KCNJ10: variants seen among roughly 807,000 people sequenced by gnomAD.
KCNJ10 encodes the protein potassium inwardly rectifying channel subfamily J member 10.
A neutral mutation model predicts 22.2 loss-of-function variants in KCNJ10; 9 were observed. That is an observed-to-expected ratio of 0.40 (90% CI 0.24 to 0.71). The LOEUF is 0.71. KCNJ10 is among the 30% of genes least tolerant of loss of function. KCNJ10 has a pLI of 0.35. For synonymous variants in KCNJ10, 184 were observed against 187.3 expected, an observed-to-expected ratio of 0.98 and a Z score of 0.15; for missense variants, 337 against 482.7, an observed-to-expected ratio of 0.70 and a Z score of 2.83.
At chr1:160,066,489 A>G (rs2101937013) in intron 1 of KCNJ10, among the ~76,000 whole-genome samples, 1 of 152,300 alleles carries the variant, frequency 6.6e-6, no homozygotes, top group Admixed American at 6.5e-5. Context: ...TGGTGGGAGA[A>G]AAGCAATGGC....
chr1:160,045,990 G>A (rs1160811773), intron 1 of KCNJ10, among the ~76,000 whole-genome samples: 1 of 152,178 alleles, frequency 6.6e-6, no homozygotes, highest in Non-Finnish European at 1.5e-5. Flanking sequence ...GAGATCCTAT[G>A]GCGGAGATAA....
At chr1:160,053,255 T>C (rs187889779) in intron 1 of KCNJ10, among the ~76,000 whole-genome samples, 2 of 152,284 alleles carry the variant, frequency 1.3e-5, no homozygotes, top group East Asian at 3.9e-4. Flanking sequence ...TCACCAACCA[T>C]ATTATCTGTT....
rs1181172563 is a variant in KCNJ10 at position 160,040,764 on chromosome 1, G to T, written c.*629C>A. The stretch of plus-strand genomic sequence containing the variant: ...TATGAGGGAACTGGGTATCCTGAGA[G>T]TGTTCACTTGAGAAACTACAGAGGG... On this transcript the variant is annotated 3_prime_UTR_variant, in exon 2 of 2. Coordinates refer to ENST00000644903, the MANE Select transcript of KCNJ10 (RefSeq NM_002241.5). The T allele has an allele frequency of 7.5e-6, 3 of 399,114 alleles. No individual in the cohort carries two copies. In the East Asian group the frequency reaches 1.1e-4, roughly 14 times the overall value. 24.7% of individuals were successfully genotyped at this position (399,114 alleles called of 1,614,324 possible).
chr1:160,044,507 G>C (rs547059880), intron 1 of KCNJ10, among the ~76,000 whole-genome samples: 1 of 152,274 alleles, frequency 6.6e-6, no homozygotes, highest in East Asian at 1.9e-4. Context: ...AATGAGAACA[G>C]AAGAAGTGCT....
intron 1 of KCNJ10, among the ~76,000 whole-genome samples, chr1:160,055,902 T>G (rs1437744507): frequency 1.3e-5 from 2 of 152,192 alleles, no homozygotes; most frequent in Non-Finnish European, 2.9e-5. Context: ...ACCTCTGCCC[T>G]GGGTGTCCAA....
At chr1:160,062,721 C>T (rs1276099347) in intron 1 of KCNJ10, 1 of 152,164 alleles carries the variant, frequency 6.6e-6, no homozygotes, top group Non-Finnish European at 1.5e-5. Context: ...TCTAAGTCCT[C>T]CCACGTTTTG....
In KCNJ10 at chr1:160,040,525, G is replaced by T; in HGVS notation, c.*868C>A. 1 of 398,682 alleles carries T rather than the reference G, an allele frequency of 2.5e-6. No homozygotes were observed. Among genetic ancestry groups the T allele is most frequent in the African/African-American group, 2.1e-5 (1 of 48,750 alleles). The allele number at this position is 398,682 out of a possible 1,614,324, so 24.7% of individuals were successfully genotyped here. A position where few individuals can be genotyped will look rare whatever the true frequency, so the allele number is the denominator to read the frequency against. On this transcript the variant is annotated 3_prime_UTR_variant, in exon 2 of 2. Transcript: ENST00000644903. ...ACCTTTCCATGGGGCCTGGGTACTG[G>T]ACTCTTTTCAAAGGAACATATTGGC...
intron 1 of KCNJ10, among the ~76,000 whole-genome samples, chr1:160,058,898 C>T (rs991183956): frequency 6.6e-6 from 1 of 152,228 alleles, no homozygotes; most frequent in African/African-American, 2.4e-5. Flanking sequence ...AATTTCTACT[C>T]CTCCTTCAGG....
chr1:160,051,144 G>A (rs1048164429), intron 1 of KCNJ10, among the ~76,000 whole-genome samples: 2 of 150,632 alleles, frequency 1.3e-5, no homozygotes, highest in Non-Finnish European at 1.5e-5. Context: ...GGATGGTCTC[G>A]ATTTCTTTAC....
At chr1:160,042,886 G>A (rs1026300083) in intron 1 of KCNJ10, among the ~76,000 whole-genome samples, 18 of 147,454 alleles carry the variant, frequency 1.2e-4, no homozygotes, top group Admixed American at 2.7e-4. Context: ...GCAGTGAGCC[G>A]ACATCGCGCC....
intron 1 of KCNJ10, among the ~76,000 whole-genome samples, chr1:160,042,914 G>A (rs1648646366): frequency 6.8e-6 from 1 of 146,046 alleles, no homozygotes; most frequent in African/African-American, 2.5e-5. Flanking sequence ...TCCAGCCTGG[G>A]TGACACAGCG....
At chr1:160,047,969 G>A (rs900967901) in intron 1 of KCNJ10, among the ~76,000 whole-genome samples, 13 of 152,308 alleles carry the variant, frequency 8.5e-5, no homozygotes, top group South Asian at 2.1e-4. Context: ...TCAAACTCCC[G>A]GACTTAAGTG....
At position 160,042,021 on chromosome 1, in the gene KCNJ10, C is replaced by T. The variant is rs200320916; in HGVS notation, c.512G>A (p.Arg171Gln). The change falls in exon 2 of 2, where the codon CGG becomes CAG. Residue 171 changes from arginine (R) to glutamine (Q), a missense_variant. This residue lies in a region of KCNJ10 where 165 missense variants were observed against 281.5 expected (regional missense o/e 0.59). Transcript: ENST00000644903. ...ITGTFLAKIA[R>Q]PKKRAETIRF... ...AATGGTCTCAGCCCGCTTCTTGGGCCGGGCAATCTTCGCCAGGAAGGTACC... is the reference window on the plus strand; with the variant it reads ...AATGGTCTCAGCCCGCTTCTTGGGCTGGGCAATCTTCGCCAGGAAGGTACC... 1.9e-5 allele frequency: 29 copies of T among 1,563,594 alleles called. No homozygotes were observed. Among genetic ancestry groups the T allele is most frequent in the Admixed American group, 1.3e-4 (7 of 55,544 alleles).
chr1:160,059,978 G>C, intron 1 of KCNJ10, among the ~76,000 whole-genome samples: 1 of 152,276 alleles, frequency 6.6e-6, no homozygotes, highest in Middle Eastern at 3.4e-3. Context: ...GAGGTACTCT[G>C]TACCTGTCAT....
chr1:160,041,134 C>T lies in KCNJ10; in HGVS notation c.*259G>A, dbSNP rs927609860. On this transcript the variant is annotated 3_prime_UTR_variant, in exon 2 of 2. Transcript: ENST00000644903. This position sits in a 1 kb window ranked among gnomAD's most constrained non-coding sequence, Gnocchi z 4.4. ...GCTGAGGCCTTCTAAGCCACTTCAGCCTAATCCCACTCTTTCCCCCATCCT... is the reference window on the plus strand; with the variant it reads ...GCTGAGGCCTTCTAAGCCACTTCAGTCTAATCCCACTCTTTCCCCCATCCT... 7.4e-6 allele frequency: 4 copies of T among 544,038 alleles called. No homozygotes were observed. The highest frequency in any genetic ancestry group is 1.3e-5 in the Non-Finnish European group (4 of 301,496). The allele number at this position is 544,038 out of a possible 1,614,324, so 33.7% of individuals were successfully genotyped here.
At chr1:160,056,690 T>C (rs964627244) in intron 1 of KCNJ10, among the ~76,000 whole-genome samples, 6 of 152,234 alleles carry the variant, frequency 3.9e-5, no homozygotes, top group African/African-American at 1.4e-4. Context: ...ACAGACTGTA[T>C]TTTAGTCACC....
At chr1:160,062,633 A>C (rs1279623576) in intron 1 of KCNJ10, 1 of 152,268 alleles carries the variant, frequency 6.6e-6, no homozygotes, top group African/African-American at 2.4e-5. Flanking sequence ...GGGGACTGGT[A>C]GGAGTGGAGC....
rs768028468 is a variant in KCNJ10, at chr1:160,042,360, G to A, written c.173C>T (p.Thr58Ile). ...RFLYLKDLWT[T>I]FIDMQWRYKL... The stretch of plus-strand genomic sequence containing the variant: ...GTAGCGCCACTGCATGTCAATGAAG[G>A]TTGTCCACAGGTCCTTGAGGTAGAG... The change falls in exon 2 of 2, where the codon ACC becomes ATC. Residue 58 changes from threonine to isoleucine, a missense_variant. Thr to Ile is a moderately conservative substitution (Grantham distance 89). Transcript: ENST00000644903. 1.9e-6 allele frequency: 3 copies of A among 1,613,474 alleles called. No homozygotes were observed. Among genetic ancestry groups the A allele is most frequent in the African/African-American group, 1.3e-5 (1 of 74,908 alleles).
chr1:160,064,634 T>C (rs1322788307), intron 1 of KCNJ10: 7 of 152,250 alleles, frequency 4.6e-5, no homozygotes, highest in Admixed American at 6.5e-5. Flanking sequence ...CTTTTTAGAA[T>C]GTAAAGTGGT....
Sources: allele counts gnomAD v4.1 joint callset (sites outside exome capture counted in the v4.1 genomes callset), GRCh38; gene constraint gnomAD v4.1.1; regional missense constraint gnomAD v4.1.1; non-coding constraint Gnocchi (gnomAD v3.1); transcripts MANE v1.5; gene names NCBI Gene and HGNC (gene_info 2026-07-23, HGNC 2026-07-21).